CPEB3: variants seen among roughly 807,000 people sequenced by gnomAD.
CPEB3 encodes cytoplasmic polyadenylation element-binding protein 3.
CPEB3 carries 20 observed loss-of-function variants against 67.2 expected under a neutral mutation model. The ratio of observed to expected loss-of-function variants is 0.30; its 90% confidence interval spans 0.21 to 0.43. The LOEUF (loss-of-function observed/expected upper bound fraction) is 0.43. CPEB3 is among the 20% of genes least tolerant of loss of function. The pLI, the probability that CPEB3 is intolerant of heterozygous loss-of-function variation, is 1.00. For missense variants in CPEB3, 746 were observed against 968.6 expected, an observed-to-expected ratio of 0.77 and a Z score of 3.05; for synonymous variants, 376 against 393.1, an observed-to-expected ratio of 0.96 and a Z score of 0.51.
intron 2 of CPEB3, among the ~76,000 whole-genome samples, chr10:92,194,416 C>A (rs576097427): frequency 2.0e-5 from 3 of 151,038 alleles, no homozygotes; most frequent in Non-Finnish European, 4.4e-5. Flanking sequence ...TCCAGCCTGG[C>A]GACATAGCAA....
At chr10:92,176,888 C>A (rs1035271562) in intron 4 of CPEB3, among the ~76,000 whole-genome samples, 7 of 152,204 alleles carry the variant, frequency 4.6e-5, no homozygotes, top group African/African-American at 1.7e-4. Context: ...CCACATGTGG[C>A]CCAAGACGGC....
intron 4 of CPEB3, among the ~76,000 whole-genome samples, chr10:92,147,946 A>G (rs1846766113): frequency 6.6e-6 from 1 of 152,132 alleles, no homozygotes; most frequent in Admixed American, 6.5e-5. Context: ...ATCATCCTTG[A>G]CATCTCCCTT....
intron 1 of CPEB3, among the ~76,000 whole-genome samples, chr10:92,257,250 G>A (rs1015429802): frequency 3.7e-4 from 56 of 152,174 alleles, no homozygotes; most frequent in Admixed American, 8.5e-4. Context: ...AGAAGAAATT[G>A]CTCAATTGGA....
rs180777556 is a variant in CPEB3 at position 92,150,714 on chromosome 10, A to G, written c.1223-5629T>C. Among the ~76,000 whole-genome samples, 5 of 152,312 alleles carry G rather than the reference A, an allele frequency of 3.3e-5. No individual in the cohort carries two copies. In the East Asian group the frequency reaches 9.7e-4, roughly 29 times the overall value. ...GGCTGCACCTAAATTGTGCCCCAGG[A>G]GAAGTCTTGCTTCACTAACTAGCAT... On this transcript the variant is annotated intron_variant, in intron 4 of 9. Coordinates refer to ENST00000265997, the MANE Select transcript of CPEB3 (RefSeq NM_014912.5).
intron 4 of CPEB3, among the ~76,000 whole-genome samples, chr10:92,173,866 C>T (rs147360126): frequency 0.015 from 2,220 of 152,268 alleles, 56 homozygotes; most frequent in African/African-American, 0.05. Flanking sequence ...AATTAGCCAT[C>T]CTTTACAATG....
intron 1 of CPEB3, among the ~76,000 whole-genome samples, chr10:92,246,893 T>G (rs1852094896): frequency 1.3e-5 from 2 of 152,202 alleles, no homozygotes; most frequent in Non-Finnish European, 2.9e-5. Flanking sequence ...CTCTGGGCAT[T>G]TGTTAATCCA....
chr10:92,115,410 CCA>C (rs1354957478), intron 6 of CPEB3, among the ~76,000 whole-genome samples: 1 of 152,188 alleles, frequency 6.6e-6, no homozygotes, highest in Admixed American at 6.5e-5. Context: ...CCTCAGCCTC[CCA>C]CAGTGCTGGG....
At chr10:92,153,449 C>T (rs1420972092) in intron 4 of CPEB3, among the ~76,000 whole-genome samples, 1 of 152,092 alleles carries the variant, frequency 6.6e-6, no homozygotes, top group Non-Finnish European at 1.5e-5. Context: ...CTTTTATATT[C>T]TCCTTACTGC....
intron 2 of CPEB3, among the ~76,000 whole-genome samples, chr10:92,201,103 T>C (rs551702753): frequency 2.6e-4 from 39 of 152,166 alleles, no homozygotes; most frequent in African/African-American, 8.2e-4. Context: ...AAAGAAAATA[T>C]TGAAAATAAA....
chr10:92,256,913 C>T (rs1852541462), intron 1 of CPEB3, among the ~76,000 whole-genome samples: 1 of 152,210 alleles, frequency 6.6e-6, no homozygotes, highest in Admixed American at 6.5e-5. Context: ...GGACTATATT[C>T]ATCTTTGTAA....
intron 4 of CPEB3, among the ~76,000 whole-genome samples, chr10:92,154,039 T>A (rs1369995787): frequency 6.6e-6 from 1 of 152,208 alleles, no homozygotes; most frequent in Non-Finnish European, 1.5e-5. Context: ...AATACTGGCA[T>A]AGCCAACATG....
chr10:92,195,457 T>TG (rs1186408934), intron 2 of CPEB3, among the ~76,000 whole-genome samples: 3 of 152,222 alleles, frequency 2.0e-5, no homozygotes, highest in African/African-American at 7.2e-5. Context: ...TTTCCAGAAA[T>TG]GCAGGCTTAT....
chr10:92,177,349 G>C (rs920530678), intron 4 of CPEB3, among the ~76,000 whole-genome samples: 1 of 152,184 alleles, frequency 6.6e-6, no homozygotes, highest in Admixed American at 6.5e-5. Flanking sequence ...TGGAAATATT[G>C]GACAAGTGGC....
intron 9 of CPEB3, among the ~76,000 whole-genome samples, chr10:92,065,307 A>G (rs543514625): frequency 6.6e-6 from 1 of 152,180 alleles, no homozygotes; most frequent in Non-Finnish European, 1.5e-5. Flanking sequence ...TGCAACCTCC[A>G]TCTCCTGGAT....
intron 1 of CPEB3, among the ~76,000 whole-genome samples, chr10:92,253,299 AAT>A (rs986798929): frequency 7.9e-5 from 12 of 151,906 alleles, no homozygotes; most frequent in African/African-American, 2.2e-4. Flanking sequence ...ATCTCTACTA[AAT>A]ATACAAAAAT....
Position 92,240,360 on chromosome 10 carries a change from A to G in CPEB3, c.-10T>C. 6.9e-7 allele frequency: 1 copy of G among 1,441,888 alleles called. No individual in the cohort carries two copies. Among genetic ancestry groups the G allele is most frequent in the Non-Finnish European group, 9.1e-7 (1 of 1,093,434 alleles). The allele number at this position is 1,441,888 out of a possible 1,614,324, so 89.3% of individuals were successfully genotyped here. On this transcript the variant is annotated splice_region_variant and 5_prime_UTR_variant, in exon 2 of 10. Coordinates refer to ENST00000265997, the MANE Select transcript of CPEB3 (RefSeq NM_014912.5). Reference sequence around the variant, plus strand: ...GTAAATCATCCTGCATGGTTTGCGCAGCTGAAACGGGAAAAAAGAGAGACG... The same window carrying G: ...GTAAATCATCCTGCATGGTTTGCGCGGCTGAAACGGGAAAAAAGAGAGACG...
At chr10:92,256,992 C>A (rs1315227568) in intron 1 of CPEB3, among the ~76,000 whole-genome samples, 1 of 152,180 alleles carries the variant, frequency 6.6e-6, no homozygotes, top group African/African-American at 2.4e-5. Context: ...AGAACAGATA[C>A]CTTTTATCCC....
chr10:92,084,055 G>A (rs1843269564), intron 8 of CPEB3, among the ~76,000 whole-genome samples: 2 of 151,482 alleles, frequency 1.3e-5, no homozygotes, highest in South Asian at 2.1e-4. Flanking sequence ...GGTGGCAGAC[G>A]CCGGGAGGCT....
At chr10:92,076,276 G>C (rs1842929752) in intron 9 of CPEB3, 1 of 152,224 alleles carries the variant, frequency 6.6e-6, no homozygotes, top group East Asian at 1.9e-4. Flanking sequence ...CCATCAGAAG[G>C]AAGGAGATGA....
Sources: allele counts gnomAD v4.1 joint callset (sites outside exome capture counted in the v4.1 genomes callset), GRCh38; gene constraint gnomAD v4.1.1; transcripts MANE v1.5; gene names NCBI Gene and HGNC (gene_info 2026-07-23, HGNC 2026-07-21).